Variants in PTPRD observed in about 807,000 individuals in gnomAD.
The protein encoded by PTPRD is receptor-type tyrosine-protein phosphatase delta.
In PTPRD, 34 loss-of-function variants were observed where a neutral mutation model predicts 214.5. That is an observed-to-expected ratio of 0.16 (90% CI 0.12 to 0.21). The LOEUF (loss-of-function observed/expected upper bound fraction) is 0.21, where lower values mean the gene tolerates loss of function less well. Ranked by LOEUF, PTPRD falls within the 10% of genes least tolerant of loss-of-function variation. PTPRD has a pLI of 1.00. For synonymous variants in PTPRD, 1,128 were observed against 845.7 expected, an observed-to-expected ratio of 1.33 and a Z score of -5.79; for missense variants, 2,545 against 2,398.7, an observed-to-expected ratio of 1.06 and a Z score of -1.27.
intron 8 of PTPRD, among the ~76,000 whole-genome samples, chr9:9,401,757 G>A (rs2070651008): frequency 6.6e-6 from 1 of 151,976 alleles, no homozygotes; most frequent in Non-Finnish European, 1.5e-5. Flanking sequence ...AATCATGGGG[G>A]TGGTTACCTC....
chr9:8,355,406 T>C (rs1232325878), intron 39 of PTPRD, among the ~76,000 whole-genome samples: 1 of 135,650 alleles, frequency 7.4e-6, no homozygotes, highest in Non-Finnish European at 1.7e-5. Flanking sequence ...CTCTATCTCT[T>C]TTAGAATATT....
At chr9:8,913,196 G>C (rs761061765) in intron 11 of PTPRD, among the ~76,000 whole-genome samples, 4 of 152,006 alleles carry the variant, frequency 2.6e-5, no homozygotes, top group Non-Finnish European at 5.9e-5. Flanking sequence ...TACCTTGTGT[G>C]TGTTTGCAAT....
chr9:8,734,528 A>G (rs548056774), intron 11 of PTPRD, among the ~76,000 whole-genome samples: 14 of 152,356 alleles, frequency 9.2e-5, no homozygotes, highest in Middle Eastern at 3.4e-3. Context: ...GTTTGGCATC[A>G]ATAAGTCAAA....
At chr9:8,927,041 G>C (rs1013733171) in intron 11 of PTPRD, among the ~76,000 whole-genome samples, 1 of 152,000 alleles carries the variant, frequency 6.6e-6, no homozygotes, top group East Asian at 1.9e-4. Flanking sequence ...AGGAAACTGA[G>C]GTCCAGACAT....
intron 22 of PTPRD, among the ~76,000 whole-genome samples, chr9:8,506,801 C>G (rs2097551043): frequency 6.6e-6 from 1 of 152,180 alleles, no homozygotes; most frequent in African/African-American, 2.4e-5. Context: ...AAATGTTATA[C>G]ACACTCACCT....
In PTPRD at chr9:10,089,206, A is replaced by AAAATAAATAAATAAATAAAT. The variant is rs34355367; in HGVS notation, c.-544-55436_-544-55417dup. 2.2e-3 allele frequency among the ~76,000 whole-genome samples: 310 copies of AAAATAAATAAATAAATAAAT among 142,636 alleles called. 2 individuals carry two copies. The highest frequency in any genetic ancestry group is 6.7e-3 in the East Asian group (32 of 4,810). The allele number at this position is 142,636 out of a possible 152,430, so 93.6% of individuals were successfully genotyped here. On this transcript the variant is annotated intron_variant, in intron 3 of 45. Coordinates refer to ENST00000381196, the MANE Select transcript of PTPRD (RefSeq NM_002839.4). Reference sequence around the variant, plus strand: ...GGGTGACAGAATGAGAATCAGTCTCAAAATAAATAAATAAATAAATAAATA... The same window carrying AAAATAAATAAATAAATAAAT: ...GGGTGACAGAATGAGAATCAGTCTCAAAATAAATAAATAAATAAATAAATAAATAAATAAATAAATAAATA...
intron 3 of PTPRD, among the ~76,000 whole-genome samples, chr9:10,235,947 T>A (rs2099627539): frequency 1.3e-5 from 2 of 151,954 alleles, no homozygotes. Context: ...GGTCTATAGT[T>A]ATTCTCAAAT....
chr9:8,434,838 T>A (rs973254906), intron 35 of PTPRD, among the ~76,000 whole-genome samples: 2 of 152,168 alleles, frequency 1.3e-5, no homozygotes, highest in Non-Finnish European at 2.9e-5. Flanking sequence ...CCCTAAGCCC[T>A]AAATTAGAAA....
intron 4 of PTPRD, among the ~76,000 whole-genome samples, chr9:10,011,676 CAT>C (rs1197099188): frequency 1.3e-5 from 2 of 151,906 alleles, no homozygotes; most frequent in African/African-American, 4.8e-5. Context: ...TACATTGTAA[CAT>C]GTTGAACTCT....
intron 2 of PTPRD, among the ~76,000 whole-genome samples, chr9:10,452,242 T>C (rs1224877500): frequency 1.3e-5 from 2 of 151,946 alleles, no homozygotes; most frequent in African/African-American, 4.8e-5. Context: ...CACTCAGGCT[T>C]TTCCATACGT....
At chr9:10,059,403 G>T (rs902084156) in intron 3 of PTPRD, among the ~76,000 whole-genome samples, 1 of 152,040 alleles carries the variant, frequency 6.6e-6, no homozygotes. Flanking sequence ...AGCATCCATT[G>T]GACCATTCTA....
intron 2 of PTPRD, among the ~76,000 whole-genome samples, chr9:10,406,645 T>C (rs1246371423): frequency 2.0e-5 from 3 of 151,446 alleles, no homozygotes; most frequent in Non-Finnish European, 4.4e-5. Context: ...TACTGTAACT[T>C]TAGCTGTAAA....
At chr9:10,577,655 G>A (rs1369536167) in intron 2 of PTPRD, among the ~76,000 whole-genome samples, 1 of 152,100 alleles carries the variant, frequency 6.6e-6, no homozygotes, top group Non-Finnish European at 1.5e-5. Flanking sequence ...GCAGCAGTAG[G>A]AAACTAACAC....
intron 8 of PTPRD, among the ~76,000 whole-genome samples, chr9:9,450,039 C>T (rs145068833): frequency 3.2e-4 from 49 of 151,898 alleles, no homozygotes; most frequent in African/African-American, 1.1e-3. Flanking sequence ...CAGCTCCAAC[C>T]AAAGCGCTGC....
chr9:10,047,022 C>T (rs984412158), intron 3 of PTPRD, among the ~76,000 whole-genome samples: 8 of 150,734 alleles, frequency 5.3e-5, no homozygotes, highest in Admixed American at 1.3e-4. Flanking sequence ...CATTTTGTTC[C>T]CATGAGTGTT....
intron 14 of PTPRD, among the ~76,000 whole-genome samples, chr9:8,545,147 G>GCTCC (rs1319150842): frequency 8.6e-5 from 13 of 152,046 alleles, no homozygotes; most frequent in African/African-American, 3.1e-4. Context: ...ACAGCACATT[G>GCTCC]CTCCACTCTC....
chr9:8,942,060 C>T (rs2099037388), intron 11 of PTPRD, among the ~76,000 whole-genome samples: 1 of 152,168 alleles, frequency 6.6e-6, no homozygotes, highest in Non-Finnish European at 1.5e-5. Context: ...TCTGCCTCAG[C>T]CTTCCAAAGT....
At chr9:10,062,252 T>A (rs1040764295) in intron 3 of PTPRD, among the ~76,000 whole-genome samples, 1 of 152,076 alleles carries the variant, frequency 6.6e-6, no homozygotes, top group African/African-American at 2.4e-5. Flanking sequence ...CACAGCGTGA[T>A]AAGTAATTGT....
At chr9:10,458,297 C>G (rs1011129695) in intron 2 of PTPRD, among the ~76,000 whole-genome samples, 1 of 151,944 alleles carries the variant, frequency 6.6e-6, no homozygotes, top group Admixed American at 6.6e-5. Context: ...AATTACTCGA[C>G]AAAATATTAG....
Sources: allele counts gnomAD v4.1 joint callset (sites outside exome capture counted in the v4.1 genomes callset), GRCh38; gene constraint gnomAD v4.1.1; transcripts MANE v1.5; gene names NCBI Gene and HGNC (gene_info 2026-07-23, HGNC 2026-07-21).